The following CPN2 variants were observed in gnomAD, a reference collection of about 807,000 sequenced individuals.
CPN2 encodes the protein carboxypeptidase N subunit 2, also known as carboxypeptidase N 83 kDa chain.
For synonymous variants in CPN2, 336 were observed against 318.4 expected (o/e 1.06, Z -0.59); for missense variants, 620 against 671.4 (o/e 0.92, Z 0.85).
In CPN2 at chr3:194,341,021, C is replaced by A; in HGVS notation, c.*44G>T. 2 of 1,535,062 alleles carry A rather than the reference C, an allele frequency of 1.3e-6. No homozygotes were observed. The highest frequency in any genetic ancestry group is 1.3e-5 in the South Asian group (1 of 79,762). On this transcript the variant is annotated 3_prime_UTR_variant, in exon 2 of 2. Transcript: ENST00000323830. ...CCTCCGCCCCTACCTGTCGCCTGGTCAGGCCCCAGAGGCCCCCTTCCCCAG... is the reference window on the plus strand; with the variant it reads ...CCTCCGCCCCTACCTGTCGCCTGGTAAGGCCCCAGAGGCCCCCTTCCCCAG...
chr3:194,346,763 A>T (rs1257074550), intron 1 of CPN2, among the ~76,000 whole-genome samples: 1 of 152,224 alleles, frequency 6.6e-6, no homozygotes, highest in African/African-American at 2.4e-5. Context: ...TGGCAACGTT[A>T]GTGACCCTGA....
chr3:194,346,836 C>A (rs1289300082), intron 1 of CPN2, among the ~76,000 whole-genome samples: 2 of 152,186 alleles, frequency 1.3e-5, no homozygotes, highest in African/African-American at 4.8e-5. Context: ...AGGGAGAAAC[C>A]CATGAGATCA....
At chr3:194,344,212 T>C (rs1712970444) in intron 1 of CPN2, among the ~76,000 whole-genome samples, 1 of 152,198 alleles carries the variant, frequency 6.6e-6, no homozygotes, top group South Asian at 2.1e-4. Context: ...CCCTTGACTC[T>C]CCCGCTCAGT....
rs142022933 is a variant in CPN2 at position 194,342,674 on chromosome 3, G to A, written c.29C>T (p.Thr10Ile). 18 of 1,555,282 alleles carry A rather than the reference G, an allele frequency of 1.2e-5. No homozygotes were observed. In the African/African-American group the frequency reaches 2.3e-4, roughly 20 times the overall value. The change falls in exon 2 of 2, where the codon ACC becomes ATC. Residue 10 changes from threonine to isoleucine, a missense_variant. Transcript: ENST00000323830. MLPGAWLLWTSLLLLARPAQ... is the reference protein window; with the variant it reads MLPGAWLLWISLLLLARPAQ... ...AGGCCTGGCCAGGAGCAGGAGGGAG[G>A]TCCAGAGCAGCCAGGCTCCAGGGAG...
intron 1 of CPN2, among the ~76,000 whole-genome samples, chr3:194,349,079 G>A (rs1713159431): frequency 1.3e-5 from 2 of 152,004 alleles, no homozygotes; most frequent in Non-Finnish European, 2.9e-5. Context: ...TTTGTGGTGG[G>A]GTCTGGCACT....
chr3:194,342,784 A>T, intron 1 of CPN2, 79 bp from the exon 2 acceptor site: 1 of 683,726 alleles, frequency 1.5e-6, no homozygotes. Context: ...GGGCACAGTG[A>T]CCAGGGCATA....
intron 1 of CPN2, among the ~76,000 whole-genome samples, chr3:194,344,619 C>T (rs1021698831): frequency 2.6e-5 from 4 of 152,176 alleles, no homozygotes; most frequent in Non-Finnish European, 5.9e-5. Context: ...CGCTTGAACC[C>T]GGGTGGCAGA....
intron 1 of CPN2, among the ~76,000 whole-genome samples, chr3:194,346,977 G>C (rs1391414951): frequency 2.0e-5 from 3 of 152,158 alleles, no homozygotes; most frequent in Admixed American, 2.0e-4. Flanking sequence ...TGGGAGCTCT[G>C]GCCTTGGCCC....
In CPN2 at chr3:194,342,461, A is replaced by G. The variant is rs1239244782; in HGVS notation, c.242T>C (p.Leu81Pro). 1 of 1,614,212 alleles carries G rather than the reference A, an allele frequency of 6.2e-7. No homozygotes were observed. Among genetic ancestry groups the G allele is most frequent in the Non-Finnish European group, 8.5e-7 (1 of 1,180,030 alleles). ...CCTAAACTGGCAGAGCTGAGTGTTG[A>G]GGAAGACCACCTTGGTCAAGTTGGG... ...SNPNLTKVVF[L>P]NTQLCQFRPD... Residue 81 changes from leucine (L) to proline (P), a missense_variant, in exon 2 of 2, where the codon CTC becomes CCC. Coordinates refer to ENST00000323830, the MANE Select transcript of CPN2 (RefSeq NM_001080513.4).
At chr3:194,350,032 C>T (rs1342636800) in intron 1 of CPN2, among the ~76,000 whole-genome samples, 1 of 151,962 alleles carries the variant, frequency 6.6e-6, no homozygotes, top group African/African-American at 2.4e-5. Flanking sequence ...GAACTCCTGA[C>T]CTCAGGTGAT....
Position 194,342,124 on chromosome 3 carries a change from G to A in CPN2, c.579C>T (p.Thr193=). The change falls in exon 2 of 2, where the codon ACC becomes ACT. Residue 193 remains threonine, a synonymous_variant. Coordinates refer to ENST00000323830, the MANE Select transcript of CPN2 (RefSeq NM_001080513.4). The part of the protein sequence containing the change: ...QLPEELFHPL[T]SLQTLKLSNN... ...TGCTCAGCTTCAGGGTCTGCAGGCT[G>A]GTGAGTGGGTGGAACAGCTCCTCCG... The A allele has an allele frequency of 5.6e-6, 9 of 1,614,162 alleles. No individual in the cohort carries two copies. The highest frequency in any genetic ancestry group is 7.6e-6 in the Non-Finnish European group (9 of 1,180,012).
intron 1 of CPN2, among the ~76,000 whole-genome samples, chr3:194,346,063 A>G (rs1446429788): frequency 6.6e-6 from 1 of 152,188 alleles, no homozygotes; most frequent in Non-Finnish European, 1.5e-5. Context: ...CTGAGGGGTT[A>G]GTTCCCACCT....
In CPN2 at chr3:194,341,365, G is replaced by C. The variant is rs147352895; in HGVS notation, c.1338C>G (p.Pro446=). The part of the protein sequence containing the change: ...PALNEKQLVC[P]VTRDHLGFQV... ...GGAAGCCCAAGTGGTCCCGGGTGACGGGACACACCAGCTGCTTCTCATTCA... is the reference window on the plus strand; with the variant it reads ...GGAAGCCCAAGTGGTCCCGGGTGACCGGACACACCAGCTGCTTCTCATTCA... Residue 446 remains proline, a synonymous_variant, in exon 2 of 2, where the codon CCC becomes CCG. Transcript: ENST00000323830. 2.5e-6 allele frequency: 4 copies of C among 1,614,030 alleles called. No homozygotes were observed. The highest frequency in any genetic ancestry group is 1.1e-5 in the South Asian group (1 of 91,084).
intron 1 of CPN2, among the ~76,000 whole-genome samples, chr3:194,344,610 G>A (rs377745790): frequency 6.6e-5 from 10 of 152,196 alleles, no homozygotes; most frequent in Non-Finnish European, 1.2e-4. Context: ...CAGGAGAATC[G>A]CTTGAACCCG....
chr3:194,345,419 C>T (rs143009484), intron 1 of CPN2, among the ~76,000 whole-genome samples: 4 of 152,328 alleles, frequency 2.6e-5, no homozygotes, highest in South Asian at 2.1e-4. Flanking sequence ...CTCAATCTCC[C>T]GGGTGTAAGT....
chr3:194,350,259 G>A (rs1713220118), intron 1 of CPN2, among the ~76,000 whole-genome samples: 2 of 151,988 alleles, frequency 1.3e-5, no homozygotes, highest in African/African-American at 4.8e-5. Flanking sequence ...CCTGGCTCGG[G>A]GCCAGGCACT....
Position 194,341,362 on chromosome 3 carries a change from G to T in CPN2, c.1341C>A (p.Val447=). The stretch of plus-strand genomic sequence containing the variant: ...CCTGGAAGCCCAAGTGGTCCCGGGT[G>T]ACGGGACACACCAGCTGCTTCTCAT... ...ALNEKQLVCP[V]TRDHLGFQVT... The change falls in exon 2 of 2, where the codon GTC becomes GTA. Residue 447 remains valine, a synonymous_variant. Transcript: ENST00000323830. 6.2e-7 allele frequency: 1 copy of T among 1,614,062 alleles called. No homozygotes were observed. The highest frequency in any genetic ancestry group is 1.3e-5 in the African/African-American group (1 of 75,082).
intron 1 of CPN2, among the ~76,000 whole-genome samples, chr3:194,344,279 C>T (rs977366793): frequency 3.9e-5 from 6 of 152,236 alleles, no homozygotes; most frequent in Non-Finnish European, 8.8e-5. Context: ...AGAGAAGGGA[C>T]AACTTCTCCC....
chr3:194,342,645 G>T lies in CPN2; in HGVS notation c.58C>A (p.Gln20Lys). 1 of 1,607,030 alleles carries T rather than the reference G, an allele frequency of 6.2e-7. No homozygotes were observed. Among genetic ancestry groups the T allele is most frequent in the Non-Finnish European group, 8.5e-7 (1 of 1,174,884 alleles). ...TSLLLLARPA[Q>K]PCPMGCDCFV... ...CAGTCACAACCCATGGGACAGGGCTGGGCAGGCCTGGCCAGGAGCAGGAGG... is the reference window on the plus strand; with the variant it reads ...CAGTCACAACCCATGGGACAGGGCTTGGCAGGCCTGGCCAGGAGCAGGAGG... The change falls in exon 2 of 2, where the codon CAG becomes AAG. Residue 20 changes from glutamine (Q) to lysine (K), a missense_variant. Coordinates refer to ENST00000323830, the MANE Select transcript of CPN2 (RefSeq NM_001080513.4).
Sources: allele counts gnomAD v4.1 joint callset (sites outside exome capture counted in the v4.1 genomes callset), GRCh38; gene constraint gnomAD v4.1.1; transcripts MANE v1.5; gene names NCBI Gene and HGNC (gene_info 2026-07-23, HGNC 2026-07-21).